The following SCP2 variants were observed in gnomAD, a reference collection of about 807,000 sequenced individuals.
SCP2 encodes the protein SCP-2/3-oxoacyl-CoA thiolase.
In SCP2, 48 loss-of-function variants were observed where a neutral mutation model predicts 71.4. The ratio of observed to expected loss-of-function variants is 0.67; its 90% CI spans 0.53 to 0.86. SCP2 has a LOEUF of 0.86. SCP2 is among the 40% of genes least tolerant of loss of function. The probability of loss-of-function intolerance (pLI) is 0.00; values close to 1 mark genes in which losing one functional copy is unlikely to be tolerated. For missense variants in SCP2, 560 were observed against 655.6 expected (o/e 0.85, Z 1.59); for synonymous variants, 220 against 218.1 (o/e 1.01, Z -0.08).
At chr1:52,953,826 CAAAA>C (rs59323328) in intron 4 of SCP2, among the ~76,000 whole-genome samples, 2 of 97,680 alleles carry the variant, frequency 2.0e-5, no homozygotes, top group Non-Finnish European at 4.6e-5. Context: ...CCATCTTTAC[CAAAA>C]AAAAAAAAAA....
chr1:52,976,032 T>C (rs2150165921), intron 7 of SCP2, among the ~76,000 whole-genome samples: 1 of 152,322 alleles, frequency 6.6e-6, no homozygotes, highest in East Asian at 1.9e-4. Flanking sequence ...ATTACAGTTT[T>C]ATTATAAAGG....
intron 1 of SCP2, among the ~76,000 whole-genome samples, chr1:52,933,401 A>G (rs1242327): frequency 0.91 from 138,955 of 152,162 alleles, 63,630 homozygotes; most frequent in East Asian, 1. Flanking sequence ...GCAACATGGC[A>G]AAACCTCATC....
intron 1 of SCP2, among the ~76,000 whole-genome samples, chr1:52,930,941 G>GA (rs910481971): frequency 1.3e-5 from 2 of 151,782 alleles, no homozygotes; most frequent in Non-Finnish European, 1.5e-5. Context: ...ATGCAAAAAT[G>GA]AAAAAAACAA....
At chr1:52,993,451 G>T (rs1292692710) in intron 11 of SCP2, 1 of 1,613,970 alleles carries the variant, frequency 6.2e-7, no homozygotes, top group Non-Finnish European at 8.5e-7. Flanking sequence ...AAATCATTGG[G>T]AACTCATCAC....
intron 11 of SCP2, chr1:52,993,921 A>G: frequency 7.2e-7 from 1 of 1,387,434 alleles, no homozygotes; most frequent in Non-Finnish European, 9.3e-7. Flanking sequence ...TCAGCCCTAT[A>G]CTAGCTTTTA....
chr1:53,040,786 A>T (rs1388725252), intron 14 of SCP2, among the ~76,000 whole-genome samples: 2 of 152,066 alleles, frequency 1.3e-5, no homozygotes, highest in African/African-American at 4.8e-5. Context: ...ATTTTTCTCC[A>T]TAGCACTTAT....
intron 11 of SCP2, among the ~76,000 whole-genome samples, chr1:53,013,192 T>C (rs915462435): frequency 3.4e-5 from 5 of 146,926 alleles, no homozygotes; most frequent in Admixed American, 7.1e-5. Context: ...TATAACTCAC[T>C]GCAGCCTTGA....
Position 53,048,371 on chromosome 1 carries a change from C to T in SCP2, c.1548+434C>T, listed in dbSNP as rs150345953. 1.6e-5 allele frequency: 4 copies of T among 242,912 alleles called. No individual in the cohort carries two copies. In the East Asian group the frequency reaches 3.4e-4, roughly 21 times the overall value. The allele number at this position is 242,912 out of a possible 1,614,324, so 15.0% of individuals were successfully genotyped here. On this transcript the variant is annotated intron_variant, in intron 15 of 15. Coordinates refer to ENST00000371514, the MANE Select transcript of SCP2 (RefSeq NM_002979.5). The stretch of plus-strand genomic sequence containing the variant: ...GCATGAACAAAGGCCTGACCTTTTA[C>T]ATTCCATTTATTTGCCCATGCTCTT...
intron 7 of SCP2, among the ~76,000 whole-genome samples, chr1:52,975,080 G>T (rs978433811): frequency 1.3e-5 from 2 of 151,806 alleles, no homozygotes; most frequent in African/African-American, 4.8e-5. Flanking sequence ...ACAGAGCCTC[G>T]CTGTGTCATC....
chr1:52,957,339 A>G lies in SCP2; in HGVS notation c.396+2535A>G, dbSNP rs1455790122. Among the ~76,000 whole-genome samples, 7 of 152,220 alleles carry G rather than the reference A, an allele frequency of 4.6e-5. No individual in the cohort carries two copies. The East Asian group carries it at 1.3e-3, about 29-fold the overall frequency. ...TACAGACACATGTAACTAAGCATTCATATGCATATACACACACACATGTTA... is the reference window on the plus strand; with the variant it reads ...TACAGACACATGTAACTAAGCATTCGTATGCATATACACACACACATGTTA... On this transcript the variant is annotated intron_variant, in intron 5 of 15. Coordinates refer to ENST00000371514, the MANE Select transcript of SCP2 (RefSeq NM_002979.5).
At chr1:53,043,240 C>T (rs1460247226) in intron 14 of SCP2, among the ~76,000 whole-genome samples, 1 of 152,114 alleles carries the variant, frequency 6.6e-6, no homozygotes, top group Non-Finnish European at 1.5e-5. Context: ...TAATTTCTAT[C>T]CATAGAACTG....
At chr1:53,034,978 ACCT>A (rs1190084414) in intron 13 of SCP2, among the ~76,000 whole-genome samples, 2 of 151,904 alleles carry the variant, frequency 1.3e-5, no homozygotes, top group Non-Finnish European at 2.9e-5. Flanking sequence ...GGTGGCGGGC[ACCT>A]GTAGTCCCAG....
At chr1:52,948,725 T>G (rs1028235311) in intron 3 of SCP2, among the ~76,000 whole-genome samples, 2 of 152,112 alleles carry the variant, frequency 1.3e-5, no homozygotes, top group Non-Finnish European at 2.9e-5. Flanking sequence ...TTCCAGTCTT[T>G]TCACAGAATT....
Position 52,941,862 on chromosome 1 carries a change from G to A in SCP2, c.127+9G>A. The A allele has an allele frequency of 6.3e-7, 1 of 1,586,006 alleles. No individual in the cohort carries two copies. ...CTTGGCAGAAGAAGCAGGTAACATA[G>A]AACATTTAGATCTTTGAACATTCAT... On this transcript the variant is annotated intron_variant, in intron 2 of 15. Coordinates refer to ENST00000371514, the MANE Select transcript of SCP2 (RefSeq NM_002979.5).
rs74875254 is a variant in SCP2 at position 52,987,986 on chromosome 1, T to C, written c.974-43T>C. On this transcript the variant is annotated intron_variant, in intron 10 of 15. Coordinates refer to ENST00000371514, the MANE Select transcript of SCP2 (RefSeq NM_002979.5). ...TTATAAAAGCATATCATTTGTTCTA[T>C]TGTTACTATTAATATTTGTGAATAC... 3,699 of 974,706 alleles carry C rather than the reference T, an allele frequency of 3.8e-3. 93 individuals are homozygous for C. The African/African-American group carries it at 0.054, about 14-fold the overall frequency. The allele number at this position is 974,706 out of a possible 1,614,324, so 60.4% of individuals were successfully genotyped here.
chr1:52,962,014 AC>A (rs1244791908), intron 6 of SCP2, among the ~76,000 whole-genome samples: 1 of 151,918 alleles, frequency 6.6e-6, no homozygotes, highest in African/African-American at 2.4e-5. Context: ...CGATCCTTCC[AC>A]CCCAGCCTCT....
intron 13 of SCP2, among the ~76,000 whole-genome samples, chr1:53,033,089 A>G (rs1662670161): frequency 6.6e-6 from 1 of 152,198 alleles, no homozygotes; most frequent in South Asian, 2.1e-4. Flanking sequence ...TAAGTAGAAA[A>G]TATTGGTAGT....
chr1:52,954,847 C>T (rs1260997387), intron 5 of SCP2, 43 bp downstream of exon 5: 3 of 1,448,804 alleles, frequency 2.1e-6, no homozygotes, highest in African/African-American at 2.8e-5. Flanking sequence ...GCTAATATAA[C>T]CCAAAAGTTG....
chr1:53,020,592 C>T (rs148486939), intron 12 of SCP2, among the ~76,000 whole-genome samples: 107 of 152,194 alleles, frequency 7.0e-4, no homozygotes, highest in African/African-American at 2.5e-3. Context: ...AGCCACTGTG[C>T]CCAGCCTGAA....
Sources: allele counts gnomAD v4.1 joint callset (sites outside exome capture counted in the v4.1 genomes callset), GRCh38; gene constraint gnomAD v4.1.1; transcripts MANE v1.5; gene names NCBI Gene and HGNC (gene_info 2026-07-23, HGNC 2026-07-21).